The following EPC2 variants were observed in gnomAD, a reference collection of about 807,000 sequenced individuals.
EPC2 encodes the protein enhancer of polycomb 2.
Under a neutral mutation model 92.1 loss-of-function variants are expected in EPC2, and 14 were observed. The observed-to-expected ratio is 0.15, with a 90% CI of 0.10 to 0.24. The LOEUF (loss-of-function observed/expected upper bound fraction) is 0.24. EPC2 is among the 10% of genes least tolerant of loss of function. EPC2 has a pLI of 1.00. For missense variants in EPC2, 755 were observed against 971.5 expected, an observed-to-expected ratio of 0.78 and a Z score of 2.96; for synonymous variants, 340 against 334.7, an observed-to-expected ratio of 1.02 and a Z score of -0.17.
chr2:148,695,628 C>T (rs1258179601), intron 2 of EPC2, among the ~76,000 whole-genome samples: 2 of 152,138 alleles, frequency 1.3e-5, no homozygotes, highest in South Asian at 4.1e-4. Context: ...TGATAATTGA[C>T]CTGTTCTTTC....
At chr2:148,647,619 C>CTTTTTTTTT (rs55731814) in intron 1 of EPC2, among the ~76,000 whole-genome samples, 5 of 63,742 alleles carry the variant, frequency 7.8e-5, no homozygotes, top group African/African-American at 3.2e-4. Flanking sequence ...GCCTTGCAGA[C>CTTTTTTTTT]TTTTTTTTTT....
At chr2:148,647,071 C>T (rs1261052995) in intron 1 of EPC2, among the ~76,000 whole-genome samples, 2 of 152,066 alleles carry the variant, frequency 1.3e-5, no homozygotes, top group African/African-American at 2.4e-5. Flanking sequence ...GATCGTGCCA[C>T]TGCACTCCAG....
chr2:148,651,015 T>C (rs1209280710), intron 1 of EPC2, among the ~76,000 whole-genome samples: 2 of 152,174 alleles, frequency 1.3e-5, no homozygotes, highest in Non-Finnish European at 2.9e-5. Context: ...TAGCAAAAAC[T>C]ACAGGGTTAA....
chr2:148,784,235 C>T (rs1053170411), intron 12 of EPC2, among the ~76,000 whole-genome samples: 15 of 152,124 alleles, frequency 9.9e-5, no homozygotes, highest in South Asian at 2.1e-4. Flanking sequence ...ACCCTGAGTC[C>T]GCAAAGACTT....
intron 10 of EPC2, among the ~76,000 whole-genome samples, chr2:148,774,624 T>TATTTTATATATATATA (rs935978031): frequency 2.4e-4 from 32 of 132,572 alleles, no homozygotes; most frequent in African/African-American, 7.8e-4. Context: ...AAAATATATT[T>TATTTTATATATATATA]TATATATATA....
intron 10 of EPC2, among the ~76,000 whole-genome samples, chr2:148,774,498 G>T (rs1259214780): frequency 6.6e-6 from 1 of 151,744 alleles, no homozygotes; most frequent in Admixed American, 6.6e-5. Flanking sequence ...GTGGTGGCAC[G>T]TGCCTGTAGT....
Position 148,645,492 on chromosome 2 carries a change from C to T in EPC2, c.153+322C>T, listed in dbSNP as rs182589259. 3.2e-3 allele frequency: 968 copies of T among 301,714 alleles called. 10 individuals are homozygous for T. The highest frequency in any genetic ancestry group is 0.02 in the African/African-American group (899 of 45,338). The allele number at this position is 301,714 out of a possible 1,614,324, so 18.7% of individuals were successfully genotyped here. A position where few individuals can be genotyped will look rare whatever the true frequency, so the allele number is the denominator to read the frequency against. On this transcript the variant is annotated intron_variant, in intron 1 of 13. Coordinates refer to ENST00000258484, the MANE Select transcript of EPC2 (RefSeq NM_015630.4). Reference sequence around the variant, plus strand: ...CTCTTGGCGTACGGTCTCTGTTTACCTTTCCACCTCCCTCTCTCAGGCGCG... The same window carrying T: ...CTCTTGGCGTACGGTCTCTGTTTACTTTTCCACCTCCCTCTCTCAGGCGCG...
At chr2:148,664,608 A>C (rs1366952490) in intron 1 of EPC2, among the ~76,000 whole-genome samples, 2 of 152,186 alleles carry the variant, frequency 1.3e-5, no homozygotes, top group Admixed American at 1.3e-4. Flanking sequence ...TTTCATAGTC[A>C]AGATAATCAA....
At chr2:148,744,652 G>A (rs1574618398) in intron 3 of EPC2, among the ~76,000 whole-genome samples, 1 of 152,066 alleles carries the variant, frequency 6.6e-6, no homozygotes, top group East Asian at 1.9e-4. Flanking sequence ...TGCAATTGGT[G>A]ATTTTTATGT....
rs746224803 is a variant in EPC2 at position 148,784,659 on chromosome 2, C to A, written c.2018-9C>A. ...ATGATACTAGTTGAATGACTTCTTT[C>A]TTTTTCAGGAACCTCTAAAACATTA... On this transcript the variant is annotated splice_polypyrimidine_tract_variant and intron_variant, in intron 12 of 13. Coordinates refer to ENST00000258484, the MANE Select transcript of EPC2 (RefSeq NM_015630.4). 1.9e-6 allele frequency: 3 copies of A among 1,563,082 alleles called. No individual in the cohort carries two copies. Among genetic ancestry groups the A allele is most frequent in the East Asian group, 2.3e-5 (1 of 43,936 alleles).
chr2:148,773,341 T>C (rs913319761), intron 10 of EPC2, among the ~76,000 whole-genome samples: 4 of 152,112 alleles, frequency 2.6e-5, no homozygotes, highest in African/African-American at 9.7e-5. Flanking sequence ...CAACAAGTTT[T>C]TTTGTATTCT....
chr2:148,715,703 C>T (rs191003295), intron 2 of EPC2, among the ~76,000 whole-genome samples: 6 of 152,206 alleles, frequency 3.9e-5, no homozygotes, highest in South Asian at 2.1e-4. Context: ...CTTGGCTACT[C>T]GGGCTCTTTT....
chr2:148,646,154 C>G (rs1334229063), intron 1 of EPC2, among the ~76,000 whole-genome samples: 3 of 152,178 alleles, frequency 2.0e-5, no homozygotes, highest in Admixed American at 2.0e-4. Context: ...AATGAACCTA[C>G]AGTCCCGCCT....
chr2:148,737,617 GTCAAAC>G (rs1275426336), intron 2 of EPC2, among the ~76,000 whole-genome samples: 1 of 152,054 alleles, frequency 6.6e-6, no homozygotes, highest in African/African-American at 2.4e-5. Flanking sequence ...ACGTTTGTAG[GTCAAAC>G]CTTCAGTCTG....
rs185289361 is a variant in EPC2 at position 148,771,148 on chromosome 2, C to T, written c.1481C>T (p.Ser494Phe). The change falls in exon 10 of 14, where the codon TCT (serine) becomes TTT (phenylalanine). Residue 494 changes from serine (S) to phenylalanine (F), a missense_variant. Physicochemically the swap from Ser to Phe is radical, Grantham distance 155. Coordinates refer to ENST00000258484, the MANE Select transcript of EPC2 (RefSeq NM_015630.4). ...AGCTCTTCCCAAACTATAGACTTTT[C>T]TTCTAATTTCTCTCGGACCAATGCT... ...FSSSSQTIDF[S>F]SNFSRTNASS... 1.6e-4 allele frequency: 263 copies of T among 1,613,924 alleles called. No homozygotes were observed. In the African/African-American group the frequency reaches 2.6e-3, roughly 16 times the overall value.
chr2:148,707,366 A>C (rs1682023794), intron 2 of EPC2, among the ~76,000 whole-genome samples: 2 of 152,148 alleles, frequency 1.3e-5, no homozygotes, highest in African/African-American at 4.8e-5. Context: ...GAGAGACCTA[A>C]AAAGCGACTT....
intron 1 of EPC2, among the ~76,000 whole-genome samples, chr2:148,655,204 CT>C (rs945236156): frequency 6.6e-6 from 1 of 152,168 alleles, no homozygotes; most frequent in Non-Finnish European, 1.5e-5. Flanking sequence ...ATTTCTGGAA[CT>C]TTCTAGTTGG....
chr2:148,762,602 AT>A, intron 5 of EPC2, 67 bp from the exon 6 acceptor site: 1 of 1,141,390 alleles, frequency 8.8e-7, no homozygotes, highest in Non-Finnish European at 1.2e-6. Flanking sequence ...TAATTGAGGT[AT>A]CACTTATTTT....
chr2:148,771,302 A>G lies in EPC2; in HGVS notation c.1635A>G (p.Ser545=). The G allele has an allele frequency of 6.2e-7, 1 of 1,613,968 alleles. No homozygotes were observed. The highest frequency in any genetic ancestry group is 8.5e-7 in the Non-Finnish European group (1 of 1,179,870). ...LQDSDSEECT[S]RKPGQTVNNK... ...ACAGTGATAGTGAAGAATGTACCTC[A>G]AGAAAACCAGGGCAGACTGTGAACA... Residue 545 remains serine (S), a synonymous_variant, in exon 10 of 14, where the codon TCA becomes TCG. Transcript: ENST00000258484.
Sources: allele counts gnomAD v4.1 joint callset (sites outside exome capture counted in the v4.1 genomes callset), GRCh38; gene constraint gnomAD v4.1.1; transcripts MANE v1.5; gene names NCBI Gene and HGNC (gene_info 2026-07-23, HGNC 2026-07-21).